TJP1: variants seen among roughly 807,000 people sequenced by gnomAD.
TJP1 encodes the protein tight junction protein ZO-1.
In TJP1, 43 loss-of-function variants were observed where a neutral mutation model predicts 194.2. The ratio of observed to expected loss-of-function variants is 0.22; its 90% CI spans 0.17 to 0.29. The LOEUF (loss-of-function observed/expected upper bound fraction) is 0.29. TJP1 is among the 10% of genes least tolerant of loss of function. The pLI, the probability that TJP1 is intolerant of heterozygous loss-of-function variation, is 1.00. For synonymous variants in TJP1, 801 were observed against 779.0 expected (o/e 1.03, Z -0.47); for missense variants, 1,971 against 2,185.7 (o/e 0.90, Z 1.96).
At chr15:29,723,604 C>CAG (rs1284757260) in intron 18 of TJP1, among the ~76,000 whole-genome samples, 1 of 152,186 alleles carries the variant, frequency 6.6e-6, no homozygotes, top group Non-Finnish European at 1.5e-5. Flanking sequence ...ACATTTGGCC[C>CAG]TTAAAGCTGT....
At chr15:29,836,225 C>T (rs2051022972) in intron 2 of TJP1, among the ~76,000 whole-genome samples, 1 of 152,012 alleles carries the variant, frequency 6.6e-6, no homozygotes, top group Non-Finnish European at 1.5e-5. Context: ...ACTGGACTTA[C>T]TGCTGCTTCT....
intron 2 of TJP1, among the ~76,000 whole-genome samples, chr15:29,787,402 TATG>T (rs1460646443): frequency 2.0e-5 from 3 of 152,212 alleles, no homozygotes; most frequent in Non-Finnish European, 2.9e-5. Flanking sequence ...GCTTACTGAA[TATG>T]ATGTCAAAAG....
chr15:29,816,777 T>C (rs2049954611), intron 1 of TJP1, among the ~76,000 whole-genome samples: 1 of 152,132 alleles, frequency 6.6e-6, no homozygotes. Context: ...CGTTAAGATA[T>C]CAAGAAAAGC....
At chr15:29,925,930 A>G (rs1718989) in intron 2 of TJP1, among the ~76,000 whole-genome samples, 28,969 of 152,094 alleles carry the variant, frequency 0.19, 2,874 homozygotes, top group East Asian at 0.35. Context: ...TTTCCCTCCA[A>G]TAATGTTTGC....
At chr15:29,965,019 A>G (rs952496621) in intron 1 of TJP1, among the ~76,000 whole-genome samples, 7 of 152,146 alleles carry the variant, frequency 4.6e-5, no homozygotes, top group Non-Finnish European at 1.5e-5. Flanking sequence ...ACAGGCACAA[A>G]TGCCCAAGCG....
chr15:29,718,064 T>C lies in TJP1; in HGVS notation c.3931A>G (p.Thr1311Ala), dbSNP rs2042676625. ...SGAPIIGPKP[T>A]SQNQFSEHDK... ...TGTTCACTGAATTGATTCTGAGAAG[T>C]GGGTTTGGGACCAATGATGGGAGCA... The change falls in exon 22 of 28, where the codon ACT (threonine) becomes GCT (alanine). Residue 1311 changes from threonine (T) to alanine (A), a missense_variant. Physicochemically the swap from Thr to Ala is moderately conservative, Grantham distance 58. Coordinates refer to ENST00000614355, the MANE Select transcript of TJP1 (RefSeq NM_001330239.4). 1 of 1,608,222 alleles carries C rather than the reference T, an allele frequency of 6.2e-7. No individual in the cohort carries two copies. The highest frequency in any genetic ancestry group is 8.5e-7 in the Non-Finnish European group (1 of 1,179,072).
At chr15:29,855,979 C>T (rs1171838674) in intron 2 of TJP1, among the ~76,000 whole-genome samples, 2 of 152,066 alleles carry the variant, frequency 1.3e-5, no homozygotes, top group Admixed American at 6.6e-5. Flanking sequence ...TACAGCTGCA[C>T]GAAGCATATG....
chr15:29,820,159 C>CTT lies in TJP1; in HGVS notation c.27+1841_27+1842dup, dbSNP rs34650430. ...CAGCGAGCTTCCAAATTAATGTTGC[C>CTT]TTTTTTTTTTTTTTTTTCCAAACTG... On this transcript the variant is annotated intron_variant, in intron 1 of 27. Transcript: ENST00000614355. 6.2e-3 allele frequency among the ~76,000 whole-genome samples: 842 copies of CTT among 135,020 alleles called. 4 individuals are homozygous for CTT. The highest frequency in any genetic ancestry group is 9.8e-3 in the African/African-American group (360 of 36,890). The allele number at this position is 135,020 out of a possible 152,430, so 88.6% of individuals were successfully genotyped here.
chr15:29,826,476 A>T (rs1358797281), upstream of TJP1, among the ~76,000 whole-genome samples: 1 of 152,154 alleles, frequency 6.6e-6, no homozygotes, highest in Non-Finnish European at 1.5e-5. Context: ...AGCCCAGGCA[A>T]AACATCTCAT....
At chr15:29,723,357 A>T (rs2043048550) in intron 18 of TJP1, among the ~76,000 whole-genome samples, 1 of 152,054 alleles carries the variant, frequency 6.6e-6, no homozygotes, top group South Asian at 2.1e-4. Flanking sequence ...AGTTCTCCCA[A>T]GCTCTGTCTG....
chr15:29,794,892 G>A (rs1451111474), intron 2 of TJP1, among the ~76,000 whole-genome samples: 1 of 151,936 alleles, frequency 6.6e-6, no homozygotes, highest in African/African-American at 2.4e-5. Context: ...CAATGAAACA[G>A]AAAACAGAAT....
At chr15:29,814,430 T>G (rs1266554850) in intron 1 of TJP1, among the ~76,000 whole-genome samples, 1 of 152,190 alleles carries the variant, frequency 6.6e-6, no homozygotes, top group Non-Finnish European at 1.5e-5. Flanking sequence ...ACAAAAAGAA[T>G]TAGTCATTAC....
At chr15:29,848,758 C>T (rs970031824) in intron 2 of TJP1, among the ~76,000 whole-genome samples, 75 of 152,142 alleles carry the variant, frequency 4.9e-4, no homozygotes, top group Non-Finnish European at 1.6e-4. Flanking sequence ...ACTTGGGAGG[C>T]TGAGGCAGGA....
In TJP1 at chr15:29,906,200, C is replaced by T. The variant is rs574538002; in HGVS notation, c.306+50032G>A. 2.2e-4 allele frequency among the ~76,000 whole-genome samples: 34 copies of T among 152,160 alleles called. 1 individual carries two copies. The highest frequency in any genetic ancestry group is 5.3e-4 in the African/African-American group (22 of 41,516). Reference sequence around the variant, plus strand: ...CTTAAAAATAAAGTTAGGCCGGGCGCGGTGGCTCACGCCTATAATCCCAGC... The same window carrying T: ...CTTAAAAATAAAGTTAGGCCGGGCGTGGTGGCTCACGCCTATAATCCCAGC... On this transcript the variant is annotated intron_variant, in intron 2 of 28. Coordinates refer to the TJP1 transcript ENST00000356107.
chr15:29,749,495 G>A (rs1276642112), intron 8 of TJP1, among the ~76,000 whole-genome samples: 1 of 152,166 alleles, frequency 6.6e-6, no homozygotes, highest in Non-Finnish European at 1.5e-5. Flanking sequence ...GGTCAGTACA[G>A]GGTCCTGGGG....
chr15:29,799,084 G>A (rs1449038162), intron 2 of TJP1, among the ~76,000 whole-genome samples: 4 of 152,136 alleles, frequency 2.6e-5, no homozygotes, highest in Admixed American at 2.6e-4. Flanking sequence ...TTACATGACT[G>A]TATATGCTTG....
rs55855417 is a variant in TJP1 at position 29,705,564 on chromosome 15, C to T, written c.5032G>A (p.Asp1678Asn). Residue 1678 changes from aspartate (D) to asparagine (N), a missense_variant, in exon 26 of 28, where the codon GAC becomes AAC. This residue lies in a region of TJP1 where 1,108 missense variants were observed against 1,128.5 expected (regional missense o/e 0.98). Coordinates refer to ENST00000614355, the MANE Select transcript of TJP1 (RefSeq NM_001330239.4). ...TCTAAAGGTGGAAGGATGCTGTTGTCCCGGCAGACCTTGAAATAGATTTCC... is the reference window on the plus strand; with the variant it reads ...TCTAAAGGTGGAAGGATGCTGTTGTTCCGGCAGACCTTGAAATAGATTTCC... ...EQEIYFKVCR[D>N]NSILPPLDKE... 3 of 1,614,200 alleles carry T rather than the reference C, an allele frequency of 1.9e-6. No homozygotes were observed. Among genetic ancestry groups the T allele is most frequent in the Non-Finnish European group, 2.5e-6 (3 of 1,180,038 alleles).
At chr15:29,802,859 G>A (rs980923914) in intron 1 of TJP1, among the ~76,000 whole-genome samples, 2 of 152,152 alleles carry the variant, frequency 1.3e-5, no homozygotes, top group African/African-American at 2.4e-5. Context: ...CAAATGGCAA[G>A]TGATGTGATA....
At chr15:29,880,831 T>A (rs1005782007) in intron 2 of TJP1, among the ~76,000 whole-genome samples, 1 of 152,198 alleles carries the variant, frequency 6.6e-6, no homozygotes, top group Non-Finnish European at 1.5e-5. Flanking sequence ...ATTTTCTTTA[T>A]CCATTCCTCT....
Sources: gnomAD v4.1 joint callset for allele counts (sites outside exome capture counted in the v4.1 genomes callset) on GRCh38, gnomAD v4.1.1 for gene constraint, gnomAD v4.1.1 regional missense constraint, MANE v1.5 for transcripts, NCBI Gene and HGNC (gene_info 2026-07-23, HGNC 2026-07-21) for gene names.